DOCK1: variants seen among roughly 807,000 people sequenced by gnomAD.
The protein encoded by DOCK1 is dedicator of cytokinesis protein 1.
A neutral mutation model predicts 262.7 loss-of-function variants in DOCK1; 138 were observed. The observed-to-expected ratio is 0.53, with a 90% confidence interval of 0.46 to 0.61. The LOEUF (loss-of-function observed/expected upper bound fraction) is 0.61. DOCK1 is among the 20% of genes least tolerant of loss of function. DOCK1 has a pLI of 0.00. For synonymous variants in DOCK1, 866 were observed against 867.4 expected (o/e 1.00, Z 0.03); for missense variants, 1,908 against 2,370.7 (o/e 0.80, Z 4.05).
intron 31 of DOCK1, among the ~76,000 whole-genome samples, chr10:127,352,177 G>A (rs1334854771): frequency 2.2e-5 from 3 of 138,768 alleles, no homozygotes; most frequent in Admixed American, 7.2e-5. Context: ...GGGAGCATCG[G>A]GGAGGGGTGG....
At chr10:127,134,581 G>A (rs2050535409) in intron 27 of DOCK1, among the ~76,000 whole-genome samples, 1 of 152,170 alleles carries the variant, frequency 6.6e-6, no homozygotes, top group South Asian at 2.1e-4. Context: ...ACCCTTCATT[G>A]TATCTGGGTG....
intron 38 of DOCK1, among the ~76,000 whole-genome samples, chr10:127,397,055 C>G (rs1343024840): frequency 7.2e-6 from 1 of 138,104 alleles, no homozygotes; most frequent in East Asian, 2.1e-4. Flanking sequence ...CCTATGTGAT[C>G]TGAGCATGAG....
chr10:127,342,501 T>C (rs1447289593), intron 30 of DOCK1, among the ~76,000 whole-genome samples: 1 of 152,166 alleles, frequency 6.6e-6, no homozygotes, highest in Non-Finnish European at 1.5e-5. Flanking sequence ...TCTGTGGTGA[T>C]CAAATGAGCT....
chr10:127,042,891 C>G (rs1334075723), intron 20 of DOCK1, among the ~76,000 whole-genome samples, 173 bp from the exon 21 acceptor site: 1 of 151,954 alleles, frequency 6.6e-6, no homozygotes, highest in Non-Finnish European at 1.5e-5. Flanking sequence ...AAATGTAAAA[C>G]TGTAGTTAGG....
intron 29 of DOCK1, among the ~76,000 whole-genome samples, chr10:127,263,820 C>T (rs1366384417): frequency 6.6e-6 from 1 of 152,104 alleles, no homozygotes; most frequent in Non-Finnish European, 1.5e-5. Flanking sequence ...GAGAATGTGA[C>T]CACTTGCTTG....
At chr10:126,928,868 C>T (rs2033973178) in intron 1 of DOCK1, among the ~76,000 whole-genome samples, 1 of 152,254 alleles carries the variant, frequency 6.6e-6, no homozygotes, top group East Asian at 1.9e-4. Context: ...TACAATCACC[C>T]CATAGCCACT....
At chr10:126,980,590 T>C (rs960321015) in intron 3 of DOCK1, among the ~76,000 whole-genome samples, 3 of 152,168 alleles carry the variant, frequency 2.0e-5, no homozygotes, top group Non-Finnish European at 4.4e-5. Flanking sequence ...TTGGCCACTT[T>C]CCTTGTTGGC....
intron 29 of DOCK1, among the ~76,000 whole-genome samples, chr10:127,281,808 G>C (rs183190218): frequency 6.6e-6 from 1 of 152,138 alleles, no homozygotes; most frequent in African/African-American, 2.4e-5. Flanking sequence ...ATTCAGATGA[G>C]TAGATGCTGA....
chr10:127,315,575 T>C (rs1469172480), intron 29 of DOCK1, among the ~76,000 whole-genome samples: 2 of 152,166 alleles, frequency 1.3e-5, no homozygotes, highest in Non-Finnish European at 2.9e-5. Context: ...AAGTTTCTGT[T>C]GTTTAAGCCC....
intron 25 of DOCK1, among the ~76,000 whole-genome samples, chr10:127,114,907 C>G (rs1564813458): frequency 6.6e-6 from 1 of 152,038 alleles, no homozygotes; most frequent in Non-Finnish European, 1.5e-5. Context: ...CAGGCGCATG[C>G]CACTACACTC....
chr10:127,399,136 C>T (rs1195179251), intron 38 of DOCK1, among the ~76,000 whole-genome samples: 4 of 152,088 alleles, frequency 2.6e-5, no homozygotes, highest in Admixed American at 6.5e-5. Flanking sequence ...GCAAGTCAAC[C>T]GGCAATTTCA....
At chr10:127,317,319 C>T (rs1564987428) in intron 29 of DOCK1, among the ~76,000 whole-genome samples, 1 of 152,298 alleles carries the variant, frequency 6.6e-6, no homozygotes, top group East Asian at 1.9e-4. Flanking sequence ...CAACATTTTA[C>T]CAAAAGATAT....
intron 2 of DOCK1, among the ~76,000 whole-genome samples, chr10:126,972,212 G>T (rs1028899113): frequency 2.6e-5 from 4 of 152,280 alleles, no homozygotes; most frequent in Admixed American, 2.6e-4. Context: ...CACCGTGCCC[G>T]TCCTGAAGCA....
chr10:127,042,797 C>T (rs559074183), intron 20 of DOCK1, 83 bp downstream of exon 20: 18 of 1,407,338 alleles, frequency 1.3e-5, no homozygotes, highest in African/African-American at 5.6e-5. Context: ...TCGGGGGCTT[C>T]GTCACAGTGA....
intron 23 of DOCK1, among the ~76,000 whole-genome samples, chr10:127,088,890 T>C (rs1416761468): frequency 6.6e-6 from 1 of 152,110 alleles, no homozygotes; most frequent in Non-Finnish European, 1.5e-5. Flanking sequence ...CCTCAGAGTC[T>C]AAGGGGCTTC....
chr10:126,974,430 C>G (rs990254618), intron 2 of DOCK1, among the ~76,000 whole-genome samples: 1 of 152,152 alleles, frequency 6.6e-6, no homozygotes, highest in African/African-American at 2.4e-5. Context: ...GTGTCCTCCC[C>G]GAGTTTGGGA....
chr10:127,366,532 C>T (rs562606145), intron 33 of DOCK1, among the ~76,000 whole-genome samples: 2 of 152,306 alleles, frequency 1.3e-5, no homozygotes, highest in East Asian at 1.9e-4. Context: ...CACCATTGCA[C>T]TAGTCCAGGA....
At chr10:127,410,689 C>T (rs879545742) in intron 42 of DOCK1, 151 bp from the exon 43 acceptor site, 2 of 597,554 alleles carry the variant, frequency 3.3e-6, no homozygotes, top group Admixed American at 3.7e-5. Context: ...ATTTCCCTGG[C>T]TGGGAGAGGA....
At position 127,409,055 on chromosome 10, in the gene DOCK1, C is replaced by A; in HGVS notation, c.4141C>A (p.Arg1381=). ...TTTTCAGGGAAAAGTTTTCATTTACCGAGGGAAAGAGTATGAGCGCCGGGA... is the reference window on the plus strand; with the variant it reads ...TTTTCAGGGAAAAGTTTTCATTTACAGAGGGAAAGAGTATGAGCGCCGGGA... ...TFLRGKVFIY[R]GKEYERREDF... Residue 1381 remains arginine, a synonymous_variant, in exon 41 of 52, where the codon CGA becomes AGA. Coordinates refer to ENST00000623213, the MANE Select transcript of DOCK1 (RefSeq NM_001290223.2). 1 of 1,587,560 alleles carries A rather than the reference C, an allele frequency of 6.3e-7. No individual in the cohort carries two copies.
Sources: allele counts gnomAD v4.1 joint callset (sites outside exome capture counted in the v4.1 genomes callset), GRCh38; gene constraint gnomAD v4.1.1; transcripts MANE v1.5; gene names NCBI Gene and HGNC (gene_info 2026-07-23, HGNC 2026-07-21).